Variants in PALD1 observed in about 807,000 individuals in gnomAD.
PALD1 encodes paladin.
A neutral mutation model predicts 96.0 loss-of-function variants in PALD1; 57 were observed. The ratio of observed to expected loss-of-function variants is 0.59; its 90% CI spans 0.48 to 0.74. PALD1 has a LOEUF of 0.74. Among genes scored for constraint, PALD1 ranks in the 30% least tolerant of loss-of-function variants. The probability of loss-of-function intolerance (pLI) is 0.00; values close to 1 mark genes in which losing one functional copy is unlikely to be tolerated. For synonymous variants in PALD1, 464 were observed against 473.6 expected (o/e 0.98, Z 0.26); for missense variants, 1,063 against 1,143.7 (o/e 0.93, Z 1.02).
chr10:70,499,503 G>A (rs529683063), intron 1 of PALD1, among the ~76,000 whole-genome samples: 13 of 152,322 alleles, frequency 8.5e-5, no homozygotes, highest in East Asian at 1.9e-4. Context: ...GTGGCCACAC[G>A]GCAGGATGTC....
rs1351317023 is a variant in PALD1 at position 70,540,538 on chromosome 10, G to A, written c.1909-564G>A. On this transcript the variant is annotated intron_variant, in intron 15 of 19. Coordinates refer to ENST00000263563, the MANE Select transcript of PALD1 (RefSeq NM_014431.3). The surrounding 1 kb of genome is among the most constrained non-coding windows in gnomAD (Gnocchi z 4.2). Reference sequence around the variant, plus strand: ...GCGTGTGTTGTAGGTGAGCCACCGTGTGCGTGGTGCGTGTGTTGTAGGTGG... The same window carrying A: ...GCGTGTGTTGTAGGTGAGCCACCGTATGCGTGGTGCGTGTGTTGTAGGTGG... Among the ~76,000 whole-genome samples, 2 of 151,992 alleles carry A rather than the reference G, an allele frequency of 1.3e-5. No homozygotes were observed. The highest frequency in any genetic ancestry group is 4.8e-5 in the African/African-American group (2 of 41,332).
At chr10:70,507,250 A>G (rs1323533455) in intron 1 of PALD1, among the ~76,000 whole-genome samples, 1 of 150,878 alleles carries the variant, frequency 6.6e-6, no homozygotes, top group African/African-American at 2.4e-5. Flanking sequence ...AAAAATACAA[A>G]AAAAAAAAAA....
chr10:70,504,415 C>T (rs1043993154), intron 1 of PALD1, among the ~76,000 whole-genome samples: 3 of 152,044 alleles, frequency 2.0e-5, no homozygotes, highest in Non-Finnish European at 2.9e-5. Context: ...CTCAGCTACT[C>T]GGGAGGCTGA....
At chr10:70,499,273 T>C (rs1201056762) in intron 1 of PALD1, among the ~76,000 whole-genome samples, 1 of 152,174 alleles carries the variant, frequency 6.6e-6, no homozygotes, top group Non-Finnish European at 1.5e-5. Context: ...AGGCTTAGAG[T>C]TATTTCTTCA....
At chr10:70,461,209 C>T in the PALD1 span, among the ~76,000 whole-genome samples, 1 of 152,340 alleles carries the variant, frequency 6.6e-6, no homozygotes, top group African/African-American at 2.4e-5. Context: ...GCTGTCTCCT[C>T]TGGCTGGAAT....
At chr10:70,496,147 C>T (rs1008702078) in intron 1 of PALD1, among the ~76,000 whole-genome samples, 7 of 152,132 alleles carry the variant, frequency 4.6e-5, no homozygotes, top group African/African-American at 1.7e-4. Context: ...TTCGGACTCC[C>T]AGCCCATGTT....
chr10:70,551,216 C>G (rs183226416), intron 18 of PALD1, among the ~76,000 whole-genome samples: 28 of 152,380 alleles, frequency 1.8e-4, no homozygotes, highest in African/African-American at 6.5e-4. Context: ...CACCCCTTCT[C>G]TCTAATGGTG....
At chr10:70,481,830 C>G (rs1845937211) in intron 1 of PALD1, among the ~76,000 whole-genome samples, 1 of 152,260 alleles carries the variant, frequency 6.6e-6, no homozygotes, top group African/African-American at 2.4e-5. Flanking sequence ...CAGGTCTCCT[C>G]TGCCCAACCT....
At chr10:70,460,535 C>A in the PALD1 span, among the ~76,000 whole-genome samples, 2 of 152,210 alleles carry the variant, frequency 1.3e-5, no homozygotes, top group African/African-American at 2.4e-5. Flanking sequence ...CTCATACCAG[C>A]CATGTGGATC....
At position 70,567,308 on chromosome 10, in the gene PALD1, C is replaced by T. The variant is rs1173307803; in HGVS notation, c.*575C>T. The T allele has an allele frequency of 1.3e-5, 2 of 152,902 alleles. No homozygotes were observed. Among genetic ancestry groups the T allele is most frequent in the Non-Finnish European group, 2.9e-5 (2 of 68,232 alleles). The allele number at this position is 152,902 out of a possible 1,614,324, so 9.5% of individuals were successfully genotyped here. A position where few individuals can be genotyped will look rare whatever the true frequency, so the allele number is the denominator to read the frequency against. Reference sequence around the variant, plus strand: ...GCAGCTTCACCCAGTTTTCTGGACTCTCATGCCCCCATCTCCGACCTGGGA... The same window carrying T: ...GCAGCTTCACCCAGTTTTCTGGACTTTCATGCCCCCATCTCCGACCTGGGA... On this transcript the variant is annotated 3_prime_UTR_variant, in exon 20 of 20. Coordinates refer to ENST00000263563, the MANE Select transcript of PALD1 (RefSeq NM_014431.3).
intron 1 of PALD1, among the ~76,000 whole-genome samples, chr10:70,506,352 T>G (rs889268837): frequency 2.0e-5 from 3 of 152,134 alleles, no homozygotes; most frequent in Non-Finnish European, 4.4e-5. Flanking sequence ...GTCATTCCAG[T>G]GAAAGGCAGT....
chr10:70,564,230 C>T (rs975379906), intron 18 of PALD1, 134 bp from the exon 19 acceptor site: 2 of 915,264 alleles, frequency 2.2e-6, no homozygotes, highest in Admixed American at 2.8e-5. Flanking sequence ...TGTCCTGTAA[C>T]CCAGGTGGAA....
chr10:70,557,405 C>T (rs1847633071), intron 18 of PALD1, among the ~76,000 whole-genome samples: 1 of 152,194 alleles, frequency 6.6e-6, no homozygotes, highest in East Asian at 1.9e-4. Flanking sequence ...ATCTCTGTGC[C>T]TGGCCTAGAG....
At chr10:70,532,428 G>A (rs78065098) in intron 5 of PALD1, among the ~76,000 whole-genome samples, 193 bp from the exon 6 acceptor site, 6,830 of 152,318 alleles carry the variant, frequency 0.045, 347 homozygotes, top group African/African-American at 0.13. Flanking sequence ...TTGCCCCTGT[G>A]TAGGCACCCC....
Position 70,501,813 on chromosome 10 carries a change from C to CTGTGTGTGTGTGTGTGTGTGTGTG in PALD1, c.-30+22776_-30+22777insTGTGTGTGTGTGTGTGTGTGTGTG, listed in dbSNP as rs71012209. On this transcript the variant is annotated intron_variant, in intron 1 of 19. Coordinates refer to ENST00000263563, the MANE Select transcript of PALD1 (RefSeq NM_014431.3). Reference sequence around the variant, plus strand: ...ATTTGTCCTTCCAGACATTTTTACTCTGTGTGTGTGTGTGTGTGTGTGCGT... The same window carrying CTGTGTGTGTGTGTGTGTGTGTGTG: ...ATTTGTCCTTCCAGACATTTTTACTCTGTGTGTGTGTGTGTGTGTGTGTGTGTGTGTGTGTGTGTGTGTGTGCGT... Among the ~76,000 whole-genome samples the CTGTGTGTGTGTGTGTGTGTGTGTG allele has an allele frequency of 4.7e-3, 660 of 139,272 alleles. 4 individuals carry two copies. The highest frequency in any genetic ancestry group is 0.011 in the Middle Eastern group (3 of 282). The allele number at this position is 139,272 out of a possible 152,430, so 91.4% of individuals were successfully genotyped here.
In PALD1 at chr10:70,525,992, C is replaced by A. The variant is rs770560547; in HGVS notation, c.41C>A (p.Ala14Glu). The change falls in exon 2 of 20, where the codon GCA becomes GAA. Residue 14 changes from alanine (A) to glutamate (E), a missense_variant. Coordinates refer to ENST00000263563, the MANE Select transcript of PALD1 (RefSeq NM_014431.3). The part of the protein sequence containing the change: ...TASTAQQTVS[A>E]GTPFEGLQGS... The stretch of plus-strand genomic sequence containing the variant: ...AGCACAGCCCAGCAGACGGTCTCGG[C>A]AGGCACCCCATTTGAGGGCCTACAG... 1 of 1,614,202 alleles carries A rather than the reference C, an allele frequency of 6.2e-7. No individual in the cohort carries two copies. Among genetic ancestry groups the A allele is most frequent in the South Asian group, 1.1e-5 (1 of 91,092 alleles).
chr10:70,484,643 A>T (rs1400696993), intron 1 of PALD1, among the ~76,000 whole-genome samples: 1 of 151,830 alleles, frequency 6.6e-6, no homozygotes, highest in African/African-American at 2.4e-5. Flanking sequence ...GGTTCAAGCG[A>T]TTCTCCTGCC....
intron 18 of PALD1, among the ~76,000 whole-genome samples, chr10:70,558,751 A>G (rs1697281908): frequency 6.6e-6 from 1 of 152,060 alleles, no homozygotes; most frequent in Non-Finnish European, 1.5e-5. Context: ...TTTTAAGAGA[A>G]AGTATGTAAA....
chr10:70,546,094 G>C (rs1847356762), intron 17 of PALD1, among the ~76,000 whole-genome samples: 1 of 152,018 alleles, frequency 6.6e-6, no homozygotes, highest in South Asian at 2.1e-4. Flanking sequence ...AAAATTAGCT[G>C]GGTGCGGTGG....
Sources: gnomAD v4.1 joint callset for allele counts (sites outside exome capture counted in the v4.1 genomes callset) on GRCh38, gnomAD v4.1.1 for gene constraint, Gnocchi (gnomAD v3.1) non-coding constraint, MANE v1.5 for transcripts, NCBI Gene and HGNC (gene_info 2026-07-23, HGNC 2026-07-21) for gene names.